The following RAMP1 variants were observed in gnomAD, a reference collection of about 807,000 sequenced individuals.
The protein encoded by RAMP1 is receptor activity-modifying protein 1.
RAMP1 carries 7 observed loss-of-function variants against 8.2 expected under a neutral mutation model. The ratio of observed to expected loss-of-function variants is 0.85; its 90% CI spans 0.49 to 1.60. The LOEUF (loss-of-function observed/expected upper bound fraction) is 1.60. Ranked by LOEUF, RAMP1 falls within the 40% of genes most tolerant of loss-of-function variation. RAMP1 has a pLI of 0.00. For synonymous variants in RAMP1, 92 were observed against 84.7 expected, an observed-to-expected ratio of 1.09 and a Z score of -0.47; for missense variants, 192 against 202.4, an observed-to-expected ratio of 0.95 and a Z score of 0.31.
At chr2:237,864,209 G>A (rs2062161229) in intron 1 of RAMP1, among the ~76,000 whole-genome samples, 1 of 152,174 alleles carries the variant, frequency 6.6e-6, no homozygotes, top group Non-Finnish European at 1.5e-5. Context: ...AGGAAGCCCT[G>A]CCCCCTGTTC....
At chr2:237,867,399 A>T (rs1044298650) in intron 1 of RAMP1, among the ~76,000 whole-genome samples, 1 of 145,306 alleles carries the variant, frequency 6.9e-6, no homozygotes, top group Non-Finnish European at 1.5e-5. Flanking sequence ...TGATCCACAC[A>T]GTTCAGAGCC....
At chr2:237,903,079 G>A (rs2062620775) in intron 2 of RAMP1, among the ~76,000 whole-genome samples, 1 of 151,636 alleles carries the variant, frequency 6.6e-6, no homozygotes, top group East Asian at 2.0e-4. Flanking sequence ...GGCTGGTCTT[G>A]AACTCCTGGC....
Position 237,862,185 on chromosome 2 carries a change from G to A in RAMP1, c.52+2458G>A, listed in dbSNP as rs188788269. On this transcript the variant is annotated intron_variant, in intron 1 of 2. Coordinates refer to ENST00000254661, the MANE Select transcript of RAMP1 (RefSeq NM_005855.4). The surrounding 1 kb of genome is among the most constrained non-coding windows in gnomAD (Gnocchi z 4.0). ...GTATGACTTTATATAAATACAAGTA[G>A]AATTGGAATGACAGGGACATCACAG... 6.6e-6 allele frequency among the ~76,000 whole-genome samples: 1 copy of A among 152,250 alleles called. No individual in the cohort carries two copies. The highest frequency in any genetic ancestry group is 1.9e-4 in the East Asian group (1 of 5,180).
intron 1 of RAMP1, among the ~76,000 whole-genome samples, chr2:237,875,698 G>C (rs1417577284): frequency 6.6e-6 from 1 of 152,152 alleles, no homozygotes; most frequent in Non-Finnish European, 1.5e-5. Flanking sequence ...GCCCCGTGCA[G>C]GGCTCAGCCT....
chr2:237,894,609 CT>C (rs1446973309), intron 2 of RAMP1, among the ~76,000 whole-genome samples: 4 of 152,214 alleles, frequency 2.6e-5, no homozygotes, highest in African/African-American at 9.6e-5. Flanking sequence ...TGAGACCCCC[CT>C]GCCACCCCTC....
At position 237,878,032 on chromosome 2, in the gene RAMP1, G is replaced by T. The variant is rs559576083; in HGVS notation, c.191+670G>T. ...GCCTCCAGAGCGGCGATCAGAACTC[G>T]GCATGTCCGCAATCGACTTTCAAGT... On this transcript the variant is annotated intron_variant, in intron 2 of 2. Coordinates refer to ENST00000254661, the MANE Select transcript of RAMP1 (RefSeq NM_005855.4). This position sits in a 1 kb window ranked among gnomAD's most constrained non-coding sequence, Gnocchi z 5.7. The T allele has an allele frequency of 1.0e-6, 1 of 985,444 alleles. No homozygotes were observed. 61.0% of individuals were successfully genotyped at this position (985,444 alleles called of 1,614,324 possible).
chr2:237,904,229 C>T (rs1219627241), intron 2 of RAMP1, among the ~76,000 whole-genome samples: 3 of 149,002 alleles, frequency 2.0e-5, no homozygotes, highest in East Asian at 2.0e-4. Flanking sequence ...CTGGCTAACA[C>T]GGTGAAACCC....
intron 2 of RAMP1, among the ~76,000 whole-genome samples, chr2:237,903,999 C>G (rs532653766): frequency 6.6e-6 from 1 of 152,210 alleles, no homozygotes; most frequent in Non-Finnish European, 1.5e-5. Context: ...TAGGCCTCCC[C>G]CAGCGTTGGG....
intron 2 of RAMP1, among the ~76,000 whole-genome samples, chr2:237,883,021 G>C (rs78879222): frequency 0.03 from 4,586 of 152,182 alleles, 221 homozygotes; most frequent in African/African-American, 0.1. Flanking sequence ...GGAAAGGCCC[G>C]TCTCTGAGCC....
chr2:237,891,237 G>A (rs1483797002), intron 2 of RAMP1, among the ~76,000 whole-genome samples: 1 of 149,960 alleles, frequency 6.7e-6, no homozygotes, highest in Non-Finnish European at 1.5e-5. Context: ...TGCAAGCTCC[G>A]CCTCCCGGGT....
intron 1 of RAMP1, among the ~76,000 whole-genome samples, chr2:237,871,826 A>C (rs1046466370): frequency 6.6e-6 from 1 of 152,190 alleles, no homozygotes; most frequent in Non-Finnish European, 1.5e-5. Context: ...GCGCCAGTGC[A>C]CTCCAACCTA....
At chr2:237,859,818 G>GGGAGCGGGTA in intron 1 of RAMP1, 91 bp downstream of exon 1, 1 of 1,173,056 alleles carries the variant, frequency 8.5e-7, no homozygotes, top group African/African-American at 1.6e-5. Context: ...GGGAGCGGGT[G>GGGAGCGGGTA]GGAGCGGGTG....
rs1307821422 is a variant in RAMP1, at chr2:237,859,649, GGACTC to G, written c.-20_-16del. On this transcript the variant is annotated 5_prime_UTR_variant, in exon 1 of 3. Coordinates refer to ENST00000254661, the MANE Select transcript of RAMP1 (RefSeq NM_005855.4). ...GTCCTCAGCGGGGCGCGTGGCGAGC[GGACTC>G]GACTCGGCACCGCTGTGCACCATGG... 2.1e-6 allele frequency: 3 copies of G among 1,444,232 alleles called. No homozygotes were observed. The highest frequency in any genetic ancestry group is 5.1e-5 in the Admixed American group (2 of 39,264). 89.5% of individuals were successfully genotyped at this position (1,444,232 alleles called of 1,614,324 possible).
chr2:237,910,611 A>G (rs1216017139), intron 2 of RAMP1, among the ~76,000 whole-genome samples: 1 of 148,646 alleles, frequency 6.7e-6, no homozygotes, highest in East Asian at 1.9e-4. Flanking sequence ...TCACACAGTC[A>G]CACACAGAAT....
intron 2 of RAMP1, among the ~76,000 whole-genome samples, chr2:237,883,176 C>T (rs2062389352): frequency 6.6e-6 from 1 of 152,150 alleles, no homozygotes; most frequent in African/African-American, 2.4e-5. Flanking sequence ...TGCCACATGC[C>T]TGCTGCCGCC....
chr2:237,865,317 G>A lies in RAMP1; in HGVS notation c.52+5590G>A. ...GGAGAGGAGAGGAGGGGAGGGCAGG[G>A]GAGAAGAGAGGAGGGGAGGGGAGGG... On this transcript the variant is annotated intron_variant, in intron 1 of 2. Coordinates refer to ENST00000254661, the MANE Select transcript of RAMP1 (RefSeq NM_005855.4). The surrounding 1 kb of genome is among the most constrained non-coding windows in gnomAD (Gnocchi z 4.2). Among the ~76,000 whole-genome samples, 1 of 124,772 alleles carries A rather than the reference G, an allele frequency of 8.0e-6. No individual in the cohort carries two copies. The highest frequency in any genetic ancestry group is 3.0e-5 in the African/African-American group (1 of 32,942). 81.9% of individuals were successfully genotyped at this position (124,772 alleles called of 152,430 possible).
intron 1 of RAMP1, among the ~76,000 whole-genome samples, chr2:237,876,730 A>C (rs540059127): frequency 6.6e-6 from 1 of 152,088 alleles, no homozygotes; most frequent in African/African-American, 2.4e-5. Context: ...TGGGCAGGTC[A>C]CTGTTGCTCT....
At position 237,862,052 on chromosome 2, in the gene RAMP1, G is replaced by A. The variant is rs2062138366; in HGVS notation, c.52+2325G>A. 6.6e-6 allele frequency among the ~76,000 whole-genome samples: 1 copy of A among 152,064 alleles called. No homozygotes were observed. The highest frequency in any genetic ancestry group is 1.5e-5 in the Non-Finnish European group (1 of 68,010). On this transcript the variant is annotated intron_variant, in intron 1 of 2. Transcript: ENST00000254661. The surrounding 1 kb of genome is among the most constrained non-coding windows in gnomAD (Gnocchi z 4.0). ...CATCTTCACTCAGGGAATGCTGGCT[G>A]GTGCTGTCACACATGAACTCAGTCA... is the stretch of plus-strand genomic sequence containing the variant.
At chr2:237,872,849 A>G (rs1363806624) in intron 1 of RAMP1, among the ~76,000 whole-genome samples, 3 of 152,202 alleles carry the variant, frequency 2.0e-5, no homozygotes, top group Non-Finnish European at 4.4e-5. Flanking sequence ...GGGAAACCCC[A>G]TCTCTACAAA....
Sources: allele counts gnomAD v4.1 joint callset (sites outside exome capture counted in the v4.1 genomes callset), GRCh38; gene constraint gnomAD v4.1.1; non-coding constraint Gnocchi (gnomAD v3.1); transcripts MANE v1.5; gene names NCBI Gene and HGNC (gene_info 2026-07-23, HGNC 2026-07-21).